The following BAZ1B variants were observed in gnomAD, a reference collection of about 807,000 sequenced individuals.
BAZ1B encodes the protein bromodomain adjacent to zinc finger domain 1B.
A neutral mutation model predicts 153.8 loss-of-function variants in BAZ1B; 22 were observed. The observed-to-expected ratio is 0.14, with a 90% confidence interval of 0.10 to 0.20. The LOEUF (loss-of-function observed/expected upper bound fraction) is 0.20. Ranked by LOEUF, BAZ1B falls within the 10% of genes least tolerant of loss-of-function variation. The pLI, the probability that BAZ1B is intolerant of heterozygous loss-of-function variation, is 1.00. For missense variants in BAZ1B, 1,325 were observed against 1,799.3 expected (o/e 0.74, Z 4.77); for synonymous variants, 676 against 633.4 (o/e 1.07, Z -1.01).
In BAZ1B at chr7:73,522,199, G is replaced by T. The variant is rs191239743; in HGVS notation, c.-266C>A. The stretch of plus-strand genomic sequence containing the variant: ...ACCTCCGCTTCGGGTCCCGGCGGCC[G>T]GCAGTCACGACTCCTCCTCAGCAGC... On this transcript the variant is annotated 5_prime_UTR_variant, in exon 1 of 20. Transcript: ENST00000339594. 2.5e-6 allele frequency: 1 copy of T among 392,334 alleles called. No individual in the cohort carries two copies. Among genetic ancestry groups the T allele is most frequent in the South Asian group, 1.3e-4 (1 of 7,758 alleles). The allele number at this position is 392,334 out of a possible 1,614,324, so 24.3% of individuals were successfully genotyped here.
At chr7:73,500,050 G>A (rs187595964) in intron 3 of BAZ1B, among the ~76,000 whole-genome samples, 2 of 152,050 alleles carry the variant, frequency 1.3e-5, no homozygotes, top group East Asian at 3.8e-4. Context: ...CTGGGCTCAA[G>A]CAATTCTCTC....
chr7:73,521,911 T>C lies in BAZ1B; in HGVS notation c.23A>G (p.Lys8Arg). Reference sequence around the variant, plus strand: ...CAACGGCTTCACCAGCGGGAAGGGCTTGCGGCCCAGGAGCGGCGCCATCGC... The same window carrying C: ...CAACGGCTTCACCAGCGGGAAGGGCCTGCGGCCCAGGAGCGGCGCCATCGC... Reference protein sequence around the residue: MAPLLGRKPFPLVKPLPG... With the variant: MAPLLGRRPFPLVKPLPG... The change falls in exon 1 of 20, where the codon AAG becomes AGG. Residue 8 changes from lysine (K) to arginine (R), a missense_variant. Around this residue, in one of 9 missense-constraint regions of BAZ1B, gnomAD observed 61 missense variants for 61.5 expected, o/e 0.99. Transcript: ENST00000339594. 6.7e-7 allele frequency: 1 copy of C among 1,488,198 alleles called. No homozygotes were observed. The highest frequency in any genetic ancestry group is 9.0e-7 in the Non-Finnish European group (1 of 1,113,952). 92.2% of individuals were successfully genotyped at this position (1,488,198 alleles called of 1,614,324 possible). A position where few individuals can be genotyped will look rare whatever the true frequency, so the allele number is the denominator to read the frequency against.
At chr7:73,468,854 T>G (rs114439166) in intron 9 of BAZ1B, among the ~76,000 whole-genome samples, 1,908 of 152,156 alleles carry the variant, frequency 0.013, 42 homozygotes, top group African/African-American at 0.044. Flanking sequence ...GAGGGTCAGG[T>G]GCAGTGGCTC....
chr7:73,488,511 C>G (rs1789506729), intron 6 of BAZ1B, among the ~76,000 whole-genome samples: 1 of 152,026 alleles, frequency 6.6e-6, no homozygotes, highest in African/African-American at 2.4e-5. Flanking sequence ...GCAGGCGGAT[C>G]ACTTGAGGTC....
intron 6 of BAZ1B, among the ~76,000 whole-genome samples, chr7:73,483,869 G>C (rs563263080): frequency 6.6e-6 from 1 of 152,216 alleles, no homozygotes; most frequent in Non-Finnish European, 1.5e-5. Context: ...CAAACTCATG[G>C]GCTCAAGCAA....
At chr7:73,442,136 T>TTGCCA in intron 19 of BAZ1B, 45 bp downstream of exon 19, 1 of 573,492 alleles carries the variant, frequency 1.7e-6, no homozygotes, top group Non-Finnish European at 3.2e-6. Context: ...CTCGCTCGCC[T>TTGCCA]CCCTCCCACC....
chr7:73,465,003 G>C (rs561596632), intron 11 of BAZ1B, among the ~76,000 whole-genome samples: 2 of 152,080 alleles, frequency 1.3e-5, no homozygotes, highest in Admixed American at 1.3e-4. Context: ...TCAAAGTGCC[G>C]GGATTACAGG....
intron 6 of BAZ1B, among the ~76,000 whole-genome samples, chr7:73,480,400 T>C (rs1789156511): frequency 2.0e-5 from 3 of 152,080 alleles, no homozygotes; most frequent in Admixed American, 6.5e-5. Context: ...TAAATGTGTA[T>C]TGAAAAAAAG....
intron 3 of BAZ1B, among the ~76,000 whole-genome samples, chr7:73,499,033 A>AT (rs1440277967): frequency 8.3e-4 from 125 of 150,374 alleles, no homozygotes; most frequent in African/African-American, 2.8e-3. Context: ...ACTTATTATT[A>AT]TTTTTTTTTT....
Position 73,477,375 on chromosome 7 carries a change from A to G in BAZ1B, c.2086T>C (p.Leu696=). The G allele has an allele frequency of 6.2e-7, 1 of 1,614,266 alleles. No homozygotes were observed. The highest frequency in any genetic ancestry group is 1.1e-5 in the South Asian group (1 of 91,086). Residue 696 remains leucine, a synonymous_variant, in exon 7 of 20, where the codon TTG becomes CTG. Transcript: ENST00000339594. This position sits in a 1 kb window ranked among gnomAD's most constrained non-coding sequence, Gnocchi z 5.6. ...HSVSELVRLC[L]RRSDVQEESE... ...TCCTCCTGAACATCAGATCTGCGCA[A>G]GCAGAGCCGCACCAGCTCTGAAACA...
chr7:73,451,061 C>T, intron 13 of BAZ1B, 67 bp from the exon 14 acceptor site: 1 of 1,571,776 alleles, frequency 6.4e-7, no homozygotes, highest in Non-Finnish European at 8.7e-7. Flanking sequence ...GAACTAGGAA[C>T]AGGGGACAGT....
At chr7:73,514,839 T>C (rs1207376682) in intron 1 of BAZ1B, among the ~76,000 whole-genome samples, 1 of 151,756 alleles carries the variant, frequency 6.6e-6, no homozygotes, top group Non-Finnish European at 1.5e-5. Flanking sequence ...CCCAGCACTT[T>C]GGGAGGCTGA....
Position 73,466,333 on chromosome 7 carries a change from C to A in BAZ1B, c.2935G>T (p.Val979Leu). 1.2e-6 allele frequency: 2 copies of A among 1,613,942 alleles called. No homozygotes were observed. The highest frequency in any genetic ancestry group is 2.7e-5 in the African/African-American group (2 of 75,062). The part of the protein sequence containing the change: ...TQHGTATEVA[V>L]ETTTPKQGQN... ...CCTTGTTTGGGTGTGGTTGTCTCTACAGCAACTTCTGTTGCTGTTCCATGT... is the reference window on the plus strand; with the variant it reads ...CCTTGTTTGGGTGTGGTTGTCTCTAAAGCAACTTCTGTTGCTGTTCCATGT... The change falls in exon 10 of 20, where the codon GTA (valine) becomes TTA (leucine). Residue 979 changes from valine (V) to leucine (L), a missense_variant. By Grantham distance (32) the Val-to-Leu change is conservative. Transcript: ENST00000339594.
chr7:73,453,318 A>T (rs1788082662), intron 13 of BAZ1B, among the ~76,000 whole-genome samples: 1 of 152,260 alleles, frequency 6.6e-6, no homozygotes, highest in Non-Finnish European at 1.5e-5. Flanking sequence ...CTGTGTCTGG[A>T]CCTGCAAACT....
intron 12 of BAZ1B, among the ~76,000 whole-genome samples, chr7:73,461,075 A>G (rs1554570311): frequency 6.6e-6 from 1 of 151,910 alleles, no homozygotes; most frequent in Non-Finnish European, 1.5e-5. Context: ...TCCCGGGTTT[A>G]AGCGATTCTT....
At chr7:73,458,124 C>T (rs557619984) in intron 13 of BAZ1B, among the ~76,000 whole-genome samples, 2 of 152,298 alleles carry the variant, frequency 1.3e-5, no homozygotes, top group Admixed American at 1.3e-4. Flanking sequence ...TTGCGACTGG[C>T]ATCTGAAGTG....
At chr7:73,504,259 C>G (rs1790244480) in intron 3 of BAZ1B, among the ~76,000 whole-genome samples, 1 of 152,154 alleles carries the variant, frequency 6.6e-6, no homozygotes, top group Admixed American at 6.6e-5. Flanking sequence ...TGATTCATGC[C>G]TGTAATCTCA....
intron 6 of BAZ1B, among the ~76,000 whole-genome samples, chr7:73,482,998 G>C (rs1444389977): frequency 1.3e-5 from 2 of 152,144 alleles, no homozygotes; most frequent in East Asian, 3.9e-4. Context: ...TGCTAACAGT[G>C]CTCCCTATCC....
At chr7:73,482,239 A>ATT (rs1789231204) in intron 6 of BAZ1B, among the ~76,000 whole-genome samples, 2 of 152,214 alleles carry the variant, frequency 1.3e-5, no homozygotes, top group Non-Finnish European at 2.9e-5. Flanking sequence ...TGCTAGGAAG[A>ATT]ATAAGCCAAG....
Sources: gnomAD v4.1 joint callset for allele counts (sites outside exome capture counted in the v4.1 genomes callset) on GRCh38, gnomAD v4.1.1 for gene constraint, gnomAD v4.1.1 regional missense constraint, Gnocchi (gnomAD v3.1) non-coding constraint, MANE v1.5 for transcripts, NCBI Gene and HGNC (gene_info 2026-07-23, HGNC 2026-07-21) for gene names.